The following KNTC1 variants were observed in gnomAD, a reference collection of about 807,000 sequenced individuals.
The protein encoded by KNTC1 is kinetochore-associated protein 1.
KNTC1 carries 253 observed loss-of-function variants against 314.4 expected under a neutral mutation model. The observed-to-expected ratio is 0.80, with a 90% CI of 0.73 to 0.89. The LOEUF is 0.89. Among genes scored for constraint, KNTC1 ranks in the 40% least tolerant of loss-of-function variants. The probability of loss-of-function intolerance (pLI) is 0.00; values close to 1 mark genes in which losing one functional copy is unlikely to be tolerated. For missense variants in KNTC1, 2,475 were observed against 2,572.9 expected, an observed-to-expected ratio of 0.96 and a Z score of 0.82; for synonymous variants, 901 against 901.4, an observed-to-expected ratio of 1.00 and a Z score of 0.01.
chr12:122,577,774 C>G lies in KNTC1; in HGVS notation c.2824C>G (p.Pro942Ala), dbSNP rs552563596. 1.7e-5 allele frequency: 27 copies of G among 1,612,250 alleles called. No homozygotes were observed. The South Asian group carries it at 3.0e-4, about 18-fold the overall frequency. The change falls in exon 31 of 64, where the codon CCA becomes GCA. Residue 942 changes from proline to alanine, a missense_variant. Pro to Ala is a conservative substitution (Grantham distance 27, BLOSUM62 -1). Coordinates refer to ENST00000333479, the MANE Select transcript of KNTC1 (RefSeq NM_014708.6). ...GGCACGACTGGCATTACAAGAAGAG[C>G]CAGATCATTCTAAAGAGGTGACATT... is the stretch of plus-strand genomic sequence containing the variant. ...IWARLALQEEPDHSKEGKAWR... is the reference protein window; with the variant it reads ...IWARLALQEEADHSKEGKAWR...
chr12:122,579,586 T>C (rs1178720491), intron 31 of KNTC1, among the ~76,000 whole-genome samples: 1 of 151,882 alleles, frequency 6.6e-6, no homozygotes, highest in Non-Finnish European at 1.5e-5. Context: ...ACTTCTATTC[T>C]TTTTAACTTT....
In KNTC1 at chr12:122,557,791, T is replaced by C. The variant is rs12317520; in HGVS notation, c.1488+102T>C. On this transcript the variant is annotated intron_variant, in intron 18 of 63. Transcript: ENST00000333479. ...ATATATCTTTTCCTCCTATCCGCTATGTGTATTATTAATAAAAAAGTTTTT... is the reference window on the plus strand; with the variant it reads ...ATATATCTTTTCCTCCTATCCGCTACGTGTATTATTAATAAAAAAGTTTTT... The C allele has an allele frequency of 0.012, 8,951 of 757,170 alleles. 587 individuals carry two copies. In the African/African-American group the frequency reaches 0.14, roughly 12 times the overall value. 46.9% of individuals were successfully genotyped at this position (757,170 alleles called of 1,614,324 possible).
intron 60 of KNTC1, among the ~76,000 whole-genome samples, chr12:122,620,810 G>T (rs993328538): frequency 1.3e-5 from 2 of 152,204 alleles, no homozygotes; most frequent in Admixed American, 1.3e-4. Context: ...CTTACAAGGG[G>T]TTTGGGCCTT....
Position 122,570,868 on chromosome 12 carries a change from T to C in KNTC1, c.1861-8T>C, listed in dbSNP as rs1482108910. 1.3e-6 allele frequency: 2 copies of C among 1,516,746 alleles called. No individual in the cohort carries two copies. The highest frequency in any genetic ancestry group is 3.9e-5 in the Admixed American group (2 of 50,838). The allele number at this position is 1,516,746 out of a possible 1,614,324, so 94.0% of individuals were successfully genotyped here. On this transcript the variant is annotated splice_polypyrimidine_tract_variant and splice_region_variant and intron_variant, in intron 22 of 63. Transcript: ENST00000333479. Reference sequence around the variant, plus strand: ...TTAAGAATTTCATTTTTAAATAATCTATTTCAGATAATTCTTGCAAAATGG... The same window carrying C: ...TTAAGAATTTCATTTTTAAATAATCCATTTCAGATAATTCTTGCAAAATGG...
intron 20 of KNTC1, among the ~76,000 whole-genome samples, chr12:122,567,959 C>CA (rs1003525144): frequency 1.3e-4 from 20 of 151,988 alleles, no homozygotes; most frequent in Non-Finnish European, 2.4e-4. Context: ...GATCCCATCT[C>CA]AAAAAAACAA....
At chr12:122,601,169 G>A (rs1303129710) in intron 44 of KNTC1, among the ~76,000 whole-genome samples, 2 of 151,940 alleles carry the variant, frequency 1.3e-5, no homozygotes, top group East Asian at 1.9e-4. Context: ...TGCAAGCTCC[G>A]CCTCCCGGGT....
At chr12:122,605,735 G>A (rs555922721) in intron 51 of KNTC1, among the ~76,000 whole-genome samples, 3 of 151,574 alleles carry the variant, frequency 2.0e-5, no homozygotes, top group South Asian at 2.1e-4. Context: ...TGGTAGAGAC[G>A]GGGTTTCACC....
chr12:122,562,381 AATGTGTATGTGCCTT>A (rs1364596834), intron 19 of KNTC1, among the ~76,000 whole-genome samples: 1 of 151,622 alleles, frequency 6.6e-6, no homozygotes, highest in Non-Finnish European at 1.5e-5. Flanking sequence ...TCCTACAATT[AATGTGTATGTGCCTT>A]TATAATTGGA....
chr12:122,534,937 A>G (rs771236956), intron 3 of KNTC1, among the ~76,000 whole-genome samples, 153 bp downstream of exon 3: 1 of 152,194 alleles, frequency 6.6e-6, no homozygotes, highest in Non-Finnish European at 1.5e-5. Flanking sequence ...TTAGTGCCTT[A>G]TTTGCGTTGG....
chr12:122,573,295 C>G lies in KNTC1; in HGVS notation c.2283+10C>G, dbSNP rs376345519. The stretch of plus-strand genomic sequence containing the variant: ...CTTGCTGTACATAGAGGTAACTTTT[C>G]CTTTACATCTAGTCTTATTTCTTGG... On this transcript the variant is annotated intron_variant, in intron 26 of 63. Coordinates refer to ENST00000333479, the MANE Select transcript of KNTC1 (RefSeq NM_014708.6). 1 of 1,610,136 alleles carries G rather than the reference C, an allele frequency of 6.2e-7. No individual in the cohort carries two copies. The highest frequency in any genetic ancestry group is 8.5e-7 in the Non-Finnish European group (1 of 1,177,362).
intron 40 of KNTC1, 127 bp from the exon 41 acceptor site, chr12:122,590,480 T>G (rs2138040848): frequency 1.1e-6 from 1 of 936,872 alleles, no homozygotes; most frequent in East Asian, 2.8e-5. Flanking sequence ...TTTTTTTTCT[T>G]TAAAAAGTTT....
chr12:122,614,431 G>GA (rs979156736), intron 55 of KNTC1, among the ~76,000 whole-genome samples: 32 of 152,242 alleles, frequency 2.1e-4, no homozygotes, highest in Admixed American at 7.2e-4. Flanking sequence ...GGGCAGGAAG[G>GA]TTTTTTGGTC....
intron 28 of KNTC1, 27 bp from the exon 29 acceptor site, chr12:122,575,773 T>C: frequency 6.3e-7 from 1 of 1,585,516 alleles, no homozygotes; most frequent in Non-Finnish European, 8.6e-7. Flanking sequence ...AGACAATCCA[T>C]GTTAATATGG....
chr12:122,554,069 A>AG (rs1565949037), intron 16 of KNTC1, among the ~76,000 whole-genome samples: 3 of 70,930 alleles, frequency 4.2e-5, no homozygotes, highest in African/African-American at 6.0e-5. Context: ...TTCCTTAAAA[A>AG]AAAAAAAATA....
At position 122,573,270 on chromosome 12, in the gene KNTC1, C is replaced by T. The variant is rs764912256; in HGVS notation, c.2268C>T (p.Leu756=). 7 of 1,613,782 alleles carry T rather than the reference C, an allele frequency of 4.3e-6. No individual in the cohort carries two copies. The highest frequency in any genetic ancestry group is 5.1e-6 in the Non-Finnish European group (6 of 1,179,768). ...REHDLQEEEL[L]LLYIEDLLNR... ...ATGACTTGCAAGAGGAGGAACTTCT[C>T]TTGCTGTACATAGAGGTAACTTTTC... The change falls in exon 26 of 64, where the codon CTC becomes CTT. Residue 756 remains leucine (L), a synonymous_variant. Coordinates refer to ENST00000333479, the MANE Select transcript of KNTC1 (RefSeq NM_014708.6).
At chr12:122,597,365 C>T in intron 43 of KNTC1, 1 of 235,256 alleles carries the variant, frequency 4.3e-6, no homozygotes, top group South Asian at 5.8e-5. Context: ...TCTCCTGCCT[C>T]AGCTTCCCGA....
intron 34 of KNTC1, 63 bp downstream of exon 34, chr12:122,583,048 A>G (rs1565983980): frequency 6.9e-7 from 1 of 1,450,786 alleles, no homozygotes; most frequent in African/African-American, 1.4e-5. Flanking sequence ...ACGGTAACTC[A>G]TACCTGTAAT....
chr12:122,551,379 C>T lies in KNTC1; in HGVS notation c.1130+17C>T, dbSNP rs747353093. The T allele has an allele frequency of 3.1e-5, 50 of 1,589,932 alleles. No individual in the cohort carries two copies. The highest frequency in any genetic ancestry group is 1.1e-4 in the South Asian group (10 of 89,094). ...TGATCCAAAGTAGGTCATGTTTTACCGTGTTAAGTAATAGCTATGTTAAAT... is the reference window on the plus strand; with the variant it reads ...TGATCCAAAGTAGGTCATGTTTTACTGTGTTAAGTAATAGCTATGTTAAAT... On this transcript the variant is annotated intron_variant, in intron 14 of 63. Transcript: ENST00000333479.
chr12:122,621,819 G>A, intron 60 of KNTC1, 62 bp from the exon 61 acceptor site: 1 of 1,071,340 alleles, frequency 9.3e-7, no homozygotes, highest in East Asian at 2.6e-5. Context: ...CTGATCAACG[G>A]CTCTTGCTGT....
Sources: gnomAD v4.1 joint callset for allele counts (sites outside exome capture counted in the v4.1 genomes callset) on GRCh38, gnomAD v4.1.1 for gene constraint, MANE v1.5 for transcripts, NCBI Gene and HGNC (gene_info 2026-07-23, HGNC 2026-07-21) for gene names.